ZEB2: variants seen among roughly 807,000 people sequenced by gnomAD.
The protein encoded by ZEB2 is zinc finger E-box-binding homeobox 2.
Under a neutral mutation model 99.9 loss-of-function variants are expected in ZEB2, and 6 were observed. The ratio of observed to expected loss-of-function variants is 0.06; its 90% confidence interval spans 0.03 to 0.12. The LOEUF is 0.12. Ranked by LOEUF, ZEB2 falls within the 10% of genes least tolerant of loss-of-function variation. The probability of loss-of-function intolerance (pLI) is 1.00; values close to 1 mark genes in which losing one functional copy is unlikely to be tolerated. For missense variants in ZEB2, 969 were observed against 1,502.8 expected, an observed-to-expected ratio of 0.64 and a Z score of 5.87; for synonymous variants, 517 against 542.5, an observed-to-expected ratio of 0.95 and a Z score of 0.65.
At chr2:144,450,086 T>C (rs1389595301) in intron 2 of ZEB2, 3 of 152,118 alleles carry the variant, frequency 2.0e-5, no homozygotes, top group African/African-American at 7.2e-5. Flanking sequence ...ACCACTGGAA[T>C]TGTATTACCA....
chr2:144,496,089 G>A (rs1408486261), intron 2 of ZEB2: 1 of 152,260 alleles, frequency 6.6e-6, no homozygotes, highest in Non-Finnish European at 1.5e-5. Context: ...GTTACAAAAT[G>A]TTAGCAGCTT....
intron 3 of ZEB2, chr2:144,428,207 A>T (rs970991986): frequency 1.3e-5 from 2 of 152,174 alleles, no homozygotes; most frequent in Non-Finnish European, 2.9e-5. Context: ...CTGCATATCT[A>T]GTTCATTAAC....
chr2:144,414,389 C>A (rs570250440), intron 4 of ZEB2, among the ~76,000 whole-genome samples: 1 of 152,300 alleles, frequency 6.6e-6, no homozygotes, highest in African/African-American at 2.4e-5. Context: ...GCAGAGCCAA[C>A]CAAGCAGCCC....
chr2:144,395,704 T>G (rs573009944), intron 9 of ZEB2, among the ~76,000 whole-genome samples: 1 of 152,164 alleles, frequency 6.6e-6, no homozygotes, highest in African/African-American at 2.4e-5. Context: ...AAATTACATA[T>G]GGTACTTCAT....
At position 144,434,835 on chromosome 2, in the gene ZEB2, C is replaced by T. The variant is rs572909908; in HGVS notation, c.74-4809G>A. On this transcript the variant is annotated intron_variant, in intron 2 of 9. Coordinates refer to ENST00000627532, the MANE Select transcript of ZEB2 (RefSeq NM_014795.4). ...AAGAGGCAGTTCACAGAATTATGAGCTTGAAGACTTGCCTTGTCCCAGAAC... is the reference window on the plus strand; with the variant it reads ...AAGAGGCAGTTCACAGAATTATGAGTTTGAAGACTTGCCTTGTCCCAGAAC... Among the ~76,000 whole-genome samples the T allele has an allele frequency of 8.5e-5, 13 of 152,264 alleles. 1 individual carries two copies. The South Asian group carries it at 2.7e-3, about 31-fold the overall frequency.
intron 2 of ZEB2, among the ~76,000 whole-genome samples, chr2:144,507,638 C>A (rs1704968912): frequency 1.3e-5 from 2 of 152,198 alleles, no homozygotes; most frequent in African/African-American, 2.4e-5. Flanking sequence ...ATATTAATTT[C>A]TAACCAAGGC....
Position 144,398,917 on chromosome 2 carries a change from G to A in ZEB2, c.2270C>T (p.Pro757Leu). The change falls in exon 8 of 10, where the codon CCT becomes CTT. Residue 757 changes from proline (P) to leucine (L), a missense_variant. Around this residue, in one of 8 missense-constraint regions of ZEB2, gnomAD observed 346 missense variants for 460.0 expected, o/e 0.75. Coordinates refer to ENST00000627532, the MANE Select transcript of ZEB2 (RefSeq NM_014795.4). ...LHNSVTNCDP[P>L]LRLTKPSHFT... ...ATGGGAAGGTTTTGTTAGCCTGAGA[G>A]GAGGATCACAATTCGTAACACTGTT... 6.2e-7 allele frequency: 1 copy of A among 1,614,172 alleles called. No homozygotes were observed. The highest frequency in any genetic ancestry group is 1.6e-4 in the Middle Eastern group (1 of 6,062).
chr2:144,440,509 ATATATATTTTTTTT>A (rs1482642980), intron 2 of ZEB2, among the ~76,000 whole-genome samples: 9 of 28,944 alleles, frequency 3.1e-4, no homozygotes, highest in Non-Finnish European at 4.5e-4. Context: ...ATATATATAT[ATATATATTTTTTTT>A]TTTTTTTTTT....
rs769481151 is a variant in ZEB2 at position 144,401,263 on chromosome 2, G to A, written c.852C>T (p.Cys284=). ...TQGAGNRKFK[C]TECGKAFKYK... ...ATTTGAAGGCCTTGCCACACTCTGT[G>A]CATTTGAACTTGCGATTACCTGCTC... is the stretch of plus-strand genomic sequence containing the variant. Residue 284 remains cysteine, a synonymous_variant, in exon 7 of 10, where the codon TGC becomes TGT. Coordinates refer to ENST00000627532, the MANE Select transcript of ZEB2 (RefSeq NM_014795.4). 5 of 1,614,054 alleles carry A rather than the reference G, an allele frequency of 3.1e-6. No individual in the cohort carries two copies. The African/African-American group carries it at 6.7e-5, about 22-fold the overall frequency.
intron 2 of ZEB2, among the ~76,000 whole-genome samples, chr2:144,475,292 G>GTCTCTC (rs1017649354): frequency 6.6e-6 from 1 of 152,106 alleles, no homozygotes; most frequent in African/African-American, 2.4e-5. Flanking sequence ...GGTTCTGATT[G>GTCTCTC]ACATCCTTGA....
intron 2 of ZEB2, 47 bp downstream of exon 2, chr2:144,517,231 C>T (rs1475392707): frequency 6.2e-7 from 1 of 1,611,302 alleles, no homozygotes; most frequent in East Asian, 2.2e-5. Flanking sequence ...CCCTGGGTCT[C>T]GAGCCGCGTA....
chr2:144,475,299 T>C (rs973308949), intron 2 of ZEB2, among the ~76,000 whole-genome samples: 3 of 152,200 alleles, frequency 2.0e-5, no homozygotes, highest in African/African-American at 7.2e-5. Flanking sequence ...ATTGACATCC[T>C]TGACTGTCTC....
intron 9 of ZEB2, 31 bp downstream of exon 9, chr2:144,396,381 G>A (rs746836680): frequency 7.4e-6 from 12 of 1,611,604 alleles, no homozygotes; most frequent in Non-Finnish European, 9.3e-6. Flanking sequence ...AGGACGGGAA[G>A]CTCTAACCAG....
In ZEB2 at chr2:144,446,467, T is replaced by C. The variant is rs774656967; in HGVS notation, c.74-16441A>G. The stretch of plus-strand genomic sequence containing the variant: ...CTAGTAAGTGAGCAATTAAGTCACG[T>C]AGTCAATATGGAAAAGATACACCTT... On this transcript the variant is annotated intron_variant, in intron 2 of 9. Coordinates refer to ENST00000627532, the MANE Select transcript of ZEB2 (RefSeq NM_014795.4). Among the ~76,000 whole-genome samples, 68 of 152,096 alleles carry C rather than the reference T, an allele frequency of 4.5e-4. 1 individual carries two copies. The highest frequency in any genetic ancestry group is 3.4e-3 in the Middle Eastern group (1 of 294).
At chr2:144,402,445 T>C (rs977633616) in intron 6 of ZEB2, among the ~76,000 whole-genome samples, 7 of 152,252 alleles carry the variant, frequency 4.6e-5, no homozygotes, top group East Asian at 1.9e-4. Flanking sequence ...CCGAGCGCCA[T>C]TGAGGGACCA....
At chr2:144,417,084 A>C (rs943774841) in intron 4 of ZEB2, among the ~76,000 whole-genome samples, 2 of 152,234 alleles carry the variant, frequency 1.3e-5, no homozygotes, top group African/African-American at 2.4e-5. Context: ...CCTTAATGAC[A>C]GTGACTCTTC....
chr2:144,511,479 G>A, intron 2 of ZEB2: 1 of 1,276,606 alleles, frequency 7.8e-7, no homozygotes, highest in South Asian at 1.3e-5. Context: ...CAAGATAAAA[G>A]TATTTGGCAC....
intron 7 of ZEB2, 86 bp downstream of exon 7, chr2:144,401,113 A>C: frequency 8.2e-7 from 1 of 1,218,146 alleles, no homozygotes; most frequent in Non-Finnish European, 1.2e-6. Context: ...AGCTACAAAT[A>C]GGACTGTGTA....
In ZEB2 at chr2:144,385,723, T is replaced by C. The variant is rs1703072496; in HGVS notation, c.*3728A>G. 1 of 152,222 alleles carries C rather than the reference T, an allele frequency of 6.6e-6. No individual in the cohort carries two copies. Among genetic ancestry groups the C allele is most frequent in the African/African-American group, 2.4e-5 (1 of 41,456 alleles). 9.4% of individuals were successfully genotyped at this position (152,222 alleles called of 1,614,324 possible). ...GAGCAAAAGCATGGTTAACAATTTTTCAGTTCAAATACATGTAAACTTATT... is the reference window on the plus strand; with the variant it reads ...GAGCAAAAGCATGGTTAACAATTTTCCAGTTCAAATACATGTAAACTTATT... On this transcript the variant is annotated 3_prime_UTR_variant, in exon 10 of 10. Coordinates refer to ENST00000627532, the MANE Select transcript of ZEB2 (RefSeq NM_014795.4).
Sources: gnomAD v4.1 joint callset for allele counts (sites outside exome capture counted in the v4.1 genomes callset) on GRCh38, gnomAD v4.1.1 for gene constraint, gnomAD v4.1.1 regional missense constraint, MANE v1.5 for transcripts, NCBI Gene and HGNC (gene_info 2026-07-23, HGNC 2026-07-21) for gene names.